PLCB4: variants seen among roughly 807,000 people sequenced by gnomAD.
PLCB4 encodes the protein 1-phosphatidylinositol 4,5-bisphosphate phosphodiesterase beta-4.
Under a neutral mutation model 178.8 loss-of-function variants are expected in PLCB4, and 77 were observed. The ratio of observed to expected loss-of-function variants is 0.43; its 90% confidence interval spans 0.36 to 0.52. The LOEUF (loss-of-function observed/expected upper bound fraction) is 0.52, where lower values mean the gene tolerates loss of function less well. Among genes scored for constraint, PLCB4 ranks in the 20% least tolerant of loss-of-function variants. The pLI, the probability that PLCB4 is intolerant of heterozygous loss-of-function variation, is 0.00. For synonymous variants in PLCB4, 496 were observed against 490.8 expected (o/e 1.01, Z -0.14); for missense variants, 1,024 against 1,453.4 (o/e 0.70, Z 4.80).
intron 2 of PLCB4, among the ~76,000 whole-genome samples, chr20:9,117,285 T>C (rs2091812699): frequency 6.6e-6 from 1 of 152,216 alleles, no homozygotes; most frequent in Non-Finnish European, 1.5e-5. Context: ...TTTATTGGGA[T>C]TCAATTTTGT....
intron 18 of PLCB4, among the ~76,000 whole-genome samples, chr20:9,394,911 G>A (rs947917663): frequency 1.5e-4 from 23 of 152,084 alleles, no homozygotes; most frequent in African/African-American, 5.1e-4. Flanking sequence ...AAAAAAATTG[G>A]TACCTTAGGG....
chr20:9,385,550 G>A (rs1408003850), intron 14 of PLCB4, among the ~76,000 whole-genome samples: 8 of 149,282 alleles, frequency 5.4e-5, no homozygotes, highest in East Asian at 2.0e-4. Flanking sequence ...ACGGGGTGGC[G>A]GCCGGGCAAA....
intron 12 of PLCB4, among the ~76,000 whole-genome samples, chr20:9,374,963 T>A (rs1380049959): frequency 6.6e-6 from 1 of 152,168 alleles, no homozygotes; most frequent in African/African-American, 2.4e-5. Flanking sequence ...TGATGTCTTC[T>A]TAACATTAAG....
intron 2 of PLCB4, among the ~76,000 whole-genome samples, chr20:9,102,955 A>G (rs1486042888): frequency 1.3e-5 from 2 of 152,056 alleles, no homozygotes; most frequent in East Asian, 3.9e-4. Flanking sequence ...AATTAAGTCT[A>G]GGACTTGTAG....
chr20:9,187,510 C>A (rs547099104), intron 2 of PLCB4, among the ~76,000 whole-genome samples: 3 of 152,094 alleles, frequency 2.0e-5, no homozygotes, highest in Non-Finnish European at 2.9e-5. Flanking sequence ...GACTGTAAAC[C>A]CTCTGAGGGT....
At chr20:9,223,688 G>A (rs1324823108) in intron 3 of PLCB4, among the ~76,000 whole-genome samples, 5 of 152,234 alleles carry the variant, frequency 3.3e-5, no homozygotes, top group African/African-American at 1.2e-4. Flanking sequence ...GTCCAACCAG[G>A]TGGAAGCAGC....
At chr20:9,183,476 A>G (rs1244355081) in intron 2 of PLCB4, among the ~76,000 whole-genome samples, 2 of 152,198 alleles carry the variant, frequency 1.3e-5, no homozygotes, top group East Asian at 1.9e-4. Context: ...ATCACCACAC[A>G]TAAGAAAGAA....
chr20:9,152,137 A>G (rs1015438139), intron 2 of PLCB4, among the ~76,000 whole-genome samples: 1 of 152,166 alleles, frequency 6.6e-6, no homozygotes, highest in Non-Finnish European at 1.5e-5. Flanking sequence ...TTTCAGTTTT[A>G]TAAGGGAAGC....
At chr20:9,104,527 G>T (rs1320602236) in intron 2 of PLCB4, among the ~76,000 whole-genome samples, 3 of 152,042 alleles carry the variant, frequency 2.0e-5, no homozygotes, top group African/African-American at 7.2e-5. Context: ...CCCAGTATTT[G>T]CATCTTGTCC....
intron 30 of PLCB4, among the ~76,000 whole-genome samples, chr20:9,442,346 C>T (rs17482957): frequency 0.011 from 1,742 of 151,662 alleles, 18 homozygotes; most frequent in Non-Finnish European, 0.018. Context: ...GTTCTTGGCA[C>T]GCAGATGGAA....
At chr20:9,430,991 G>A (rs562580987) in intron 28 of PLCB4, among the ~76,000 whole-genome samples, 1 of 152,322 alleles carries the variant, frequency 6.6e-6, no homozygotes, top group East Asian at 1.9e-4. Context: ...ATGTACAGTT[G>A]TCTTGTTCTC....
In PLCB4 at chr20:9,453,376, C is replaced by T; in HGVS notation, c.2910C>T (p.Cys970=). 1 of 1,612,186 alleles carries T rather than the reference C, an allele frequency of 6.2e-7. No individual in the cohort carries two copies. Among genetic ancestry groups the T allele is most frequent in the Non-Finnish European group, 8.5e-7 (1 of 1,178,582 alleles). The change falls in exon 33 of 40, where the codon TGC becomes TGT. Residue 970 remains cysteine (C), a synonymous_variant. Coordinates refer to ENST00000378473, the MANE Select transcript of PLCB4 (RefSeq NM_001377142.1). The part of the protein sequence containing the change: ...KEHSTMQKLH[C]TQVDKIVAQY... The stretch of plus-strand genomic sequence containing the variant: ...ACAGTACCATGCAGAAGTTACACTG[C>T]ACGCAAGTTGACAAAATTGTGGCAC...
At chr20:9,294,572 G>A (rs377521030) in intron 3 of PLCB4, among the ~76,000 whole-genome samples, 4 of 152,210 alleles carry the variant, frequency 2.6e-5, no homozygotes, top group East Asian at 1.9e-4. Flanking sequence ...CTTTAGTTCC[G>A]AATACCTAGC....
At chr20:9,400,924 C>T (rs1455764369) in intron 19 of PLCB4, among the ~76,000 whole-genome samples, 1 of 152,142 alleles carries the variant, frequency 6.6e-6, no homozygotes, top group Admixed American at 6.6e-5. Flanking sequence ...GACAAATGAG[C>T]CCTGAGCCTT....
intron 2 of PLCB4, among the ~76,000 whole-genome samples, chr20:9,189,536 C>G (rs374058530): frequency 6.6e-6 from 1 of 152,206 alleles, no homozygotes; most frequent in African/African-American, 2.4e-5. Context: ...GTCATATGCA[C>G]TGTAGGATGC....
chr20:9,214,991 T>C (rs1601205628), intron 2 of PLCB4, among the ~76,000 whole-genome samples: 1 of 152,184 alleles, frequency 6.6e-6, no homozygotes, highest in East Asian at 1.9e-4. Context: ...ACGAAATGAC[T>C]TGGGCAGCAA....
intron 7 of PLCB4, among the ~76,000 whole-genome samples, chr20:9,351,354 C>CT (rs199702179): frequency 0.013 from 1,908 of 151,484 alleles, 34 homozygotes; most frequent in African/African-American, 0.042. Flanking sequence ...GTTTCCTAAA[C>CT]TTTTTTTTTA....
intron 4 of PLCB4, among the ~76,000 whole-genome samples, chr20:9,321,410 A>G (rs1238361662): frequency 6.6e-6 from 1 of 152,212 alleles, no homozygotes; most frequent in Non-Finnish European, 1.5e-5. Flanking sequence ...TACATAATTA[A>G]AAAGTCTTTC....
At position 9,193,641 on chromosome 20, in the gene PLCB4, T is replaced by G. The variant is rs199506390; in HGVS notation, c.-78-23749T>G. On this transcript the variant is annotated intron_variant, in intron 2 of 39. Transcript: ENST00000378473. ...GGACAGAGCTTTCTGAAGAGGTGAC[T>G]CTTGAAAAAAGACCTATGTCTTTTT... Among the ~76,000 whole-genome samples the G allele has an allele frequency of 7.2e-5, 11 of 152,256 alleles. No individual in the cohort carries two copies. In the East Asian group the frequency reaches 2.1e-3, roughly 29 times the overall value.
Sources: gnomAD v4.1 joint callset for allele counts (sites outside exome capture counted in the v4.1 genomes callset) on GRCh38, gnomAD v4.1.1 for gene constraint, MANE v1.5 for transcripts, NCBI Gene and HGNC (gene_info 2026-07-23, HGNC 2026-07-21) for gene names.